Variants in ZNF609 observed in about 807,000 individuals in gnomAD.
ZNF609 encodes zinc finger protein 609.
In ZNF609, 11 loss-of-function variants were observed where a neutral mutation model predicts 109.5. The ratio of observed to expected loss-of-function variants is 0.10; its 90% CI spans 0.06 to 0.17. ZNF609 has a LOEUF of 0.17. Ranked by LOEUF, ZNF609 falls within the 10% of genes least tolerant of loss-of-function variation. The pLI, the probability that ZNF609 is intolerant of heterozygous loss-of-function variation, is 1.00. For synonymous variants in ZNF609, 646 were observed against 662.0 expected (o/e 0.98, Z 0.37); for missense variants, 1,559 against 1,772.4 (o/e 0.88, Z 2.16).
At chr15:64,580,463 C>G (rs1352954958) in intron 2 of ZNF609, among the ~76,000 whole-genome samples, 2 of 152,048 alleles carry the variant, frequency 1.3e-5, no homozygotes, top group Non-Finnish European at 2.9e-5. Context: ...GCCTAGTGCC[C>G]TGTCATTTCA....
At chr15:64,517,188 C>G (rs1894791740) in intron 2 of ZNF609, among the ~76,000 whole-genome samples, 1 of 152,092 alleles carries the variant, frequency 6.6e-6, no homozygotes, top group Non-Finnish European at 1.5e-5. Flanking sequence ...CCAGCCTGGT[C>G]AACATGGTGA....
chr15:64,534,089 G>A (rs1278318522), intron 2 of ZNF609, among the ~76,000 whole-genome samples: 4 of 149,476 alleles, frequency 2.7e-5, no homozygotes, highest in African/African-American at 7.4e-5. Flanking sequence ...TCAGCTCACC[G>A]CAACCTCTGC....
At chr15:64,655,213 G>A (rs1410075041) in intron 3 of ZNF609, among the ~76,000 whole-genome samples, 1 of 151,776 alleles carries the variant, frequency 6.6e-6, no homozygotes, top group Non-Finnish European at 1.5e-5. Context: ...GGTGGCTCAC[G>A]CCTGTTGGAT....
rs149703828 is a variant in ZNF609 at position 64,591,146 on chromosome 15, G to A, written c.748-31681G>A. Among the ~76,000 whole-genome samples, 76 of 151,840 alleles carry A rather than the reference G, an allele frequency of 5.0e-4. 1 individual carries two copies. The South Asian group carries it at 0.014, about 27-fold the overall frequency. Reference sequence around the variant, plus strand: ...GCCCAGGAGTTCAAGACCAGCCTCCGAGGCCAAGTGCAGTGGCTCACGCCT... The same window carrying A: ...GCCCAGGAGTTCAAGACCAGCCTCCAAGGCCAAGTGCAGTGGCTCACGCCT... On this transcript the variant is annotated intron_variant, in intron 2 of 9. Transcript: ENST00000326648.
chr15:64,534,049 T>C (rs1472259992), intron 2 of ZNF609, among the ~76,000 whole-genome samples: 1 of 152,120 alleles, frequency 6.6e-6, no homozygotes, highest in East Asian at 1.9e-4. Context: ...TTCACTCTTG[T>C]TGCCCAGGCT....
At chr15:64,549,916 G>A (rs1254666894) in intron 2 of ZNF609, among the ~76,000 whole-genome samples, 3 of 152,094 alleles carry the variant, frequency 2.0e-5, no homozygotes, top group South Asian at 2.1e-4. Context: ...CGCCCAAGTA[G>A]TTGAAACTAC....
chr15:64,527,142 T>C (rs897291220), intron 2 of ZNF609, among the ~76,000 whole-genome samples: 2 of 151,436 alleles, frequency 1.3e-5, no homozygotes, highest in Non-Finnish European at 2.9e-5. Flanking sequence ...CTGAATAACA[T>C]TGGAAATTCT....
intron 2 of ZNF609, among the ~76,000 whole-genome samples, chr15:64,546,788 T>G (rs1158826975): frequency 6.9e-6 from 1 of 144,908 alleles, no homozygotes; most frequent in East Asian, 2.0e-4. Context: ...TTTTCATGTT[T>G]CTTTTTTTTT....
chr15:64,556,190 C>T (rs1183261611), intron 2 of ZNF609, among the ~76,000 whole-genome samples: 1 of 151,392 alleles, frequency 6.6e-6, no homozygotes, highest in Non-Finnish European at 1.5e-5. Context: ...GAGAAAATGT[C>T]TTGCTATGTT....
chr15:64,530,658 G>A (rs1038840024), intron 2 of ZNF609, among the ~76,000 whole-genome samples: 9 of 152,302 alleles, frequency 5.9e-5, no homozygotes, highest in East Asian at 3.9e-4. Flanking sequence ...TTATCTTTGT[G>A]ACTGACAGTA....
chr15:64,518,298 A>G (rs747204306), intron 2 of ZNF609, among the ~76,000 whole-genome samples: 1 of 152,212 alleles, frequency 6.6e-6, no homozygotes, highest in African/African-American at 2.4e-5. Flanking sequence ...TAGACAGGTG[A>G]TGGGAGAGAG....
At chr15:64,465,970 G>C (rs1351902692) in intron 1 of ZNF609, among the ~76,000 whole-genome samples, 1 of 151,826 alleles carries the variant, frequency 6.6e-6, no homozygotes, top group African/African-American at 2.4e-5. Flanking sequence ...ACAAAAATTA[G>C]CCAGGCTTGG....
intron 2 of ZNF609, among the ~76,000 whole-genome samples, chr15:64,556,995 C>T (rs989691344): frequency 2.0e-5 from 3 of 152,068 alleles, no homozygotes; most frequent in Admixed American, 2.0e-4. Flanking sequence ...AATGTAAGCT[C>T]ATTTAGTAAT....
At chr15:64,508,604 A>G (rs1328692945) in intron 2 of ZNF609, among the ~76,000 whole-genome samples, 1 of 151,992 alleles carries the variant, frequency 6.6e-6, no homozygotes, top group Non-Finnish European at 1.5e-5. Context: ...TCAGCAGCAA[A>G]TGAGAATTCG....
At chr15:64,573,208 A>G (rs1894887004) in intron 2 of ZNF609, among the ~76,000 whole-genome samples, 1 of 151,880 alleles carries the variant, frequency 6.6e-6, no homozygotes, top group Non-Finnish European at 1.5e-5. Context: ...AAGACTTCTA[A>G]GGAGTTTGAT....
intron 1 of ZNF609, among the ~76,000 whole-genome samples, chr15:64,482,393 G>C (rs1893267358): frequency 6.6e-6 from 1 of 150,924 alleles, no homozygotes; most frequent in African/African-American, 2.4e-5. Flanking sequence ...TTTTCTGGCT[G>C]CCTAGGCTTT....
chr15:64,655,762 G>C (rs956789043), intron 3 of ZNF609, among the ~76,000 whole-genome samples: 1 of 152,110 alleles, frequency 6.6e-6, no homozygotes, highest in Admixed American at 6.5e-5. Flanking sequence ...CCCAGGGGAC[G>C]GGGTTGCAGT....
At chr15:64,592,904 C>T in intron 2 of ZNF609, 1 of 731,308 alleles carries the variant, frequency 1.4e-6, no homozygotes, top group South Asian at 1.7e-5. Flanking sequence ...CAGAGCAAGA[C>T]TCTTGTCTCA....
chr15:64,495,466 T>C (rs1047225042), intron 1 of ZNF609, among the ~76,000 whole-genome samples: 2 of 152,184 alleles, frequency 1.3e-5, no homozygotes, highest in African/African-American at 4.8e-5. Flanking sequence ...CAATCTTGGC[T>C]CACTGCAACC....
Sources: gnomAD v4.1 joint callset for allele counts (sites outside exome capture counted in the v4.1 genomes callset) on GRCh38, gnomAD v4.1.1 for gene constraint, MANE v1.5 for transcripts, NCBI Gene and HGNC (gene_info 2026-07-23, HGNC 2026-07-21) for gene names.